Variants in SIPA1L2 observed in about 807,000 individuals in gnomAD.
The protein encoded by SIPA1L2 is signal-induced proliferation-associated 1-like protein 2.
In SIPA1L2, 56 loss-of-function variants were observed where a neutral mutation model predicts 163.9. That is an observed-to-expected ratio of 0.34 (90% CI 0.28 to 0.43). The LOEUF (loss-of-function observed/expected upper bound fraction) is 0.43, where lower values mean the gene tolerates loss of function less well. SIPA1L2 is among the 20% of genes least tolerant of loss of function. SIPA1L2 has a pLI of 1.00. For synonymous variants in SIPA1L2, 877 were observed against 865.7 expected, an observed-to-expected ratio of 1.01 and a Z score of -0.23; for missense variants, 1,974 against 2,193.5, an observed-to-expected ratio of 0.90 and a Z score of 2.00.
At chr1:232,607,370 T>G (rs1250022893) in intron 1 of SIPA1L2, among the ~76,000 whole-genome samples, 1 of 152,226 alleles carries the variant, frequency 6.6e-6, no homozygotes, top group African/African-American at 2.4e-5. Context: ...AATTACTTGA[T>G]CATATGCAGT....
At chr1:232,551,755 T>G (rs1216362724) in intron 2 of SIPA1L2, among the ~76,000 whole-genome samples, 2 of 152,128 alleles carry the variant, frequency 1.3e-5, no homozygotes, top group African/African-American at 4.8e-5. Flanking sequence ...ACAGCCGGAG[T>G]GATAGTTTAG....
intron 1 of SIPA1L2, among the ~76,000 whole-genome samples, chr1:232,576,876 T>A (rs1051084015): frequency 1.3e-5 from 2 of 152,192 alleles, no homozygotes; most frequent in African/African-American, 4.8e-5. Flanking sequence ...AGAAAGGCCC[T>A]AATACTCTTC....
Position 232,432,486 on chromosome 1 carries a change from A to C in SIPA1L2, c.4032-15T>G, listed in dbSNP as rs1662304671. On this transcript the variant is annotated splice_polypyrimidine_tract_variant and intron_variant, in intron 15 of 22. Coordinates refer to ENST00000674635, the MANE Select transcript of SIPA1L2 (RefSeq NM_020808.5). ...GGTGAGAACCACTGAGGAGAAAAAC[A>C]GACAAAAGCTGCAATACAATCTGAT... 3 of 1,607,912 alleles carry C rather than the reference A, an allele frequency of 1.9e-6. No homozygotes were observed. The highest frequency in any genetic ancestry group is 2.2e-5 in the East Asian group (1 of 44,850).
chr1:232,630,346 G>C (rs925191409), upstream of SIPA1L2, among the ~76,000 whole-genome samples: 1 of 152,050 alleles, frequency 6.6e-6, no homozygotes, highest in Non-Finnish European at 1.5e-5. Context: ...GCGTCCAGGA[G>C]GGGCCCGGAC....
intron 1 of SIPA1L2, among the ~76,000 whole-genome samples, chr1:232,589,371 T>C (rs144669901): frequency 6.6e-6 from 1 of 152,344 alleles, no homozygotes; most frequent in Non-Finnish European, 1.5e-5. Context: ...CACTGGTACT[T>C]GTATACTCTC....
rs764279269 is a variant in SIPA1L2, at chr1:232,464,843, T to C, written c.2817A>G (p.Leu939=). 3 of 1,593,462 alleles carry C rather than the reference T, an allele frequency of 1.9e-6. No individual in the cohort carries two copies. In the South Asian group the frequency reaches 3.5e-5, roughly 18 times the overall value. The change falls in exon 9 of 23, where the codon TTA becomes TTG. Residue 939 remains leucine, a synonymous_variant. Coordinates refer to ENST00000674635, the MANE Select transcript of SIPA1L2 (RefSeq NM_020808.5). The stretch of plus-strand genomic sequence containing the variant: ...AAAATAGAAAACATGTACTTACTAC[T>C]AATCGCTGAACAATTTCCCTGATGT... ...AEDIREIVQR[L]VIVTRGCETV... is the part of the protein sequence containing the mutation.
intron 19 of SIPA1L2, among the ~76,000 whole-genome samples, chr1:232,412,897 A>G (rs1451039638): frequency 6.6e-6 from 1 of 152,188 alleles, no homozygotes; most frequent in African/African-American, 2.4e-5. Flanking sequence ...AACTCCTTCC[A>G]CATTATTTTA....
At chr1:232,419,307 A>G (rs541352878) in intron 18 of SIPA1L2, among the ~76,000 whole-genome samples, 6 of 152,350 alleles carry the variant, frequency 3.9e-5, no homozygotes, top group Admixed American at 2.0e-4. Flanking sequence ...ATCAACATGA[A>G]AAACACATAC....
intron 1 of SIPA1L2, among the ~76,000 whole-genome samples, chr1:232,583,252 A>T (rs1573122313): frequency 6.6e-6 from 1 of 152,228 alleles, no homozygotes; most frequent in East Asian, 1.9e-4. Flanking sequence ...CAGAAAAGAT[A>T]TAAGTTAGGA....
chr1:232,629,697 G>A (rs979089048), intron 1 of SIPA1L2, among the ~76,000 whole-genome samples, 172 bp downstream of exon 1: 3 of 152,096 alleles, frequency 2.0e-5, no homozygotes, highest in Middle Eastern at 3.4e-3. Flanking sequence ...TCTACAAGCC[G>A]GACCCTGCGC....
At chr1:232,597,147 C>A (rs1661297648) in intron 1 of SIPA1L2, among the ~76,000 whole-genome samples, 1 of 152,144 alleles carries the variant, frequency 6.6e-6, no homozygotes, top group Non-Finnish European at 1.5e-5. Context: ...GAATGGGTAA[C>A]AGTATCAATT....
At chr1:232,618,947 C>T (rs1254079652) in intron 1 of SIPA1L2, among the ~76,000 whole-genome samples, 1 of 152,052 alleles carries the variant, frequency 6.6e-6, no homozygotes, top group Non-Finnish European at 1.5e-5. Context: ...ACATAATGAC[C>T]ATCTTACGTG....
intron 2 of SIPA1L2, chr1:232,561,551 C>A (rs1297988608): frequency 6.6e-6 from 1 of 152,236 alleles, no homozygotes; most frequent in Non-Finnish European, 1.5e-5. Context: ...ACAATGCCCA[C>A]CCCTAGTAAC....
At chr1:232,523,467 G>A (rs1250731019) in intron 2 of SIPA1L2, among the ~76,000 whole-genome samples, 1 of 152,084 alleles carries the variant, frequency 6.6e-6, no homozygotes, top group Non-Finnish European at 1.5e-5. Context: ...TTAAGCAGAG[G>A]CATTTATGTC....
At chr1:232,480,172 T>C (rs796632756) in intron 6 of SIPA1L2, among the ~76,000 whole-genome samples, 48 of 127,094 alleles carry the variant, frequency 3.8e-4, no homozygotes, top group Middle Eastern at 3.7e-3. Flanking sequence ...TGTGTGTGTG[T>C]GTGTGTGTGT....
At chr1:232,582,965 A>G (rs1275058811) in intron 1 of SIPA1L2, among the ~76,000 whole-genome samples, 1 of 152,214 alleles carries the variant, frequency 6.6e-6, no homozygotes, top group African/African-American at 2.4e-5. Context: ...AATTCAAGCT[A>G]AAAAGCTTTA....
At chr1:232,458,537 A>G (rs1664054108) in intron 10 of SIPA1L2, among the ~76,000 whole-genome samples, 1 of 152,238 alleles carries the variant, frequency 6.6e-6, no homozygotes, top group Non-Finnish European at 1.5e-5. Flanking sequence ...ACAGTAAACC[A>G]AAACTAAAAA....
intron 19 of SIPA1L2, among the ~76,000 whole-genome samples, chr1:232,410,343 C>G (rs1002806180): frequency 6.6e-6 from 1 of 152,034 alleles, no homozygotes; most frequent in Admixed American, 6.6e-5. Flanking sequence ...CCTACTGTAA[C>G]TTTTTAATTA....
At chr1:232,621,341 T>C (rs767187704) in intron 1 of SIPA1L2, among the ~76,000 whole-genome samples, 15 of 152,046 alleles carry the variant, frequency 9.9e-5, no homozygotes, top group Non-Finnish European at 1.5e-4. Flanking sequence ...CATTCTTATA[T>C]GCACACACCT....
Sources: gnomAD v4.1 joint callset for allele counts (sites outside exome capture counted in the v4.1 genomes callset) on GRCh38, gnomAD v4.1.1 for gene constraint, MANE v1.5 for transcripts, NCBI Gene and HGNC (gene_info 2026-07-23, HGNC 2026-07-21) for gene names.